Variants in PCDHA9 observed in about 807,000 individuals in gnomAD.
PCDHA9 encodes the protein protocadherin alpha 9, also known as protocadherin alpha-9.
PCDHA9 carries 62 observed loss-of-function variants against 62.0 expected under a neutral mutation model. That is an observed-to-expected ratio of 1.00 (90% CI 0.81 to 1.23). The LOEUF (loss-of-function observed/expected upper bound fraction) is 1.23, where lower values mean the gene tolerates loss of function less well. Ranked by LOEUF, PCDHA9 falls within the 50% of genes most tolerant of loss-of-function variation. The pLI, the probability that PCDHA9 is intolerant of heterozygous loss-of-function variation, is 0.00. For missense variants in PCDHA9, 1,205 were observed against 1,249.8 expected (o/e 0.96, Z 0.54); for synonymous variants, 557 against 567.6 (o/e 0.98, Z 0.27).
chr5:140,991,374 G>A (rs537981449), intron 3 of PCDHA9, among the ~76,000 whole-genome samples: 2 of 152,286 alleles, frequency 1.3e-5, no homozygotes, highest in South Asian at 4.1e-4. Context: ...TGAGTTCTAG[G>A]CCAACTGTAG....
At chr5:140,965,388 C>A (rs2095896527) in intron 1 of PCDHA9, among the ~76,000 whole-genome samples, 1 of 151,982 alleles carries the variant, frequency 6.6e-6, no homozygotes, top group Non-Finnish European at 1.5e-5. Flanking sequence ...CACAGAAGAA[C>A]AGAAGTCTAA....
At chr5:140,895,802 C>CTGTAT (rs1289601886) in intron 1 of PCDHA9, among the ~76,000 whole-genome samples, 86 of 152,166 alleles carry the variant, frequency 5.7e-4, no homozygotes, top group African/African-American at 1.6e-3. Context: ...ATGTACAATA[C>CTGTAT]TGTATTGTAT....
At chr5:140,971,952 C>T (rs782029862) in intron 1 of PCDHA9, among the ~76,000 whole-genome samples, 3 of 152,012 alleles carry the variant, frequency 2.0e-5, no homozygotes, top group Non-Finnish European at 4.4e-5. Context: ...CATCTGACTC[C>T]AAAAACTTTT....
intron 1 of PCDHA9, among the ~76,000 whole-genome samples, chr5:140,937,273 G>A (rs1165421382): frequency 1.3e-5 from 2 of 151,966 alleles, no homozygotes; most frequent in African/African-American, 2.4e-5. Context: ...TCCTGACCTC[G>A]TGATTCACCC....
At chr5:140,853,355 C>G (rs1554146557) in intron 1 of PCDHA9, 1 of 981,160 alleles carries the variant, frequency 1.0e-6, no homozygotes, top group African/African-American at 1.8e-5. Context: ...CATGAACTCA[C>G]AGGGATCCAG....
At chr5:140,892,021 G>T (rs2063355611) in intron 1 of PCDHA9, among the ~76,000 whole-genome samples, 1 of 152,160 alleles carries the variant, frequency 6.6e-6, no homozygotes, top group Non-Finnish European at 1.5e-5. Context: ...AGCACAAATG[G>T]TCTAAGATAC....
At chr5:140,976,566 A>C (rs2096723160) in intron 1 of PCDHA9, among the ~76,000 whole-genome samples, 2 of 152,098 alleles carry the variant, frequency 1.3e-5, no homozygotes, top group African/African-American at 4.8e-5. Flanking sequence ...TAAATAAATA[A>C]ATATAAATAA....
intron 1 of PCDHA9, among the ~76,000 whole-genome samples, chr5:140,976,765 C>T (rs1483381591): frequency 6.6e-6 from 1 of 152,172 alleles, no homozygotes; most frequent in Non-Finnish European, 1.5e-5. Context: ...CAGAAGCCTG[C>T]TAGACTCTGA....
intron 1 of PCDHA9, chr5:140,969,215 C>A (rs782320507): frequency 6.2e-7 from 1 of 1,614,010 alleles, no homozygotes; most frequent in Admixed American, 1.7e-5. Context: ...CCAGACAGGA[C>A]CAGGGCCTTC....
At chr5:140,960,162 C>T (rs782387212) in intron 1 of PCDHA9, among the ~76,000 whole-genome samples, 3 of 152,064 alleles carry the variant, frequency 2.0e-5, no homozygotes, top group Non-Finnish European at 4.4e-5. Context: ...ACTGATAATA[C>T]AATTCTTAAG....
chr5:140,919,201 A>AT (rs1328020690), intron 1 of PCDHA9, among the ~76,000 whole-genome samples: 1 of 152,202 alleles, frequency 6.6e-6, no homozygotes. Flanking sequence ...TTTTGTCATT[A>AT]TAAAATGTCC....
intron 1 of PCDHA9, among the ~76,000 whole-genome samples, chr5:140,855,144 C>A (rs573799171): frequency 1.3e-5 from 2 of 149,748 alleles, no homozygotes; most frequent in South Asian, 4.2e-4. Context: ...CCTGATGAGC[C>A]AAATTTGGTA....
intron 1 of PCDHA9, among the ~76,000 whole-genome samples, chr5:140,915,092 C>T (rs781958993): frequency 9.2e-5 from 14 of 151,760 alleles, no homozygotes; most frequent in East Asian, 1.9e-4. Context: ...ACTATGGGCA[C>T]GCACCACCAC....
intron 1 of PCDHA9, chr5:140,860,444 T>C (rs1311147382): frequency 6.6e-6 from 1 of 152,156 alleles, no homozygotes; most frequent in South Asian, 2.1e-4. Flanking sequence ...CTTTTTCATA[T>C]TAATTCACGT....
At chr5:140,974,151 G>A (rs2096617637) in intron 1 of PCDHA9, among the ~76,000 whole-genome samples, 1 of 152,118 alleles carries the variant, frequency 6.6e-6, no homozygotes, top group Non-Finnish European at 1.5e-5. Context: ...ACTATACAAG[G>A]GTTTTTCTTT....
chr5:140,851,135 A>G (rs782166459), intron 1 of PCDHA9: 3 of 1,314,088 alleles, frequency 2.3e-6, no homozygotes, highest in Admixed American at 2.9e-5. Flanking sequence ...ATTTGTGATT[A>G]AAGTGACATT....
chr5:140,906,846 G>T (rs2072987315), intron 1 of PCDHA9, among the ~76,000 whole-genome samples: 1 of 152,186 alleles, frequency 6.6e-6, no homozygotes, highest in Non-Finnish European at 1.5e-5. Context: ...CATCTTGAGA[G>T]TCTGGGTCAG....
At chr5:140,891,681 C>T (rs1021117286) in intron 1 of PCDHA9, among the ~76,000 whole-genome samples, 1 of 152,150 alleles carries the variant, frequency 6.6e-6, no homozygotes, top group African/African-American at 2.4e-5. Flanking sequence ...TAATAATTCT[C>T]TCTTCTTGCT....
chr5:140,863,268 G>T (rs781869652), intron 1 of PCDHA9: 5 of 1,459,234 alleles, frequency 3.4e-6, no homozygotes, highest in African/African-American at 1.4e-5. Flanking sequence ...GGGAGGCAGC[G>T]CTGGTGGATG....
Sources: allele counts gnomAD v4.1 joint callset (sites outside exome capture counted in the v4.1 genomes callset), GRCh38; gene constraint gnomAD v4.1.1; transcripts MANE v1.5; gene names NCBI Gene and HGNC (gene_info 2026-07-23, HGNC 2026-07-21).